The following AEBP2 variants were observed in gnomAD, a reference collection of about 807,000 sequenced individuals.
The protein encoded by AEBP2 is AE binding protein 2.
In AEBP2, 10 loss-of-function variants were observed where a neutral mutation model predicts 50.8. That is an observed-to-expected ratio of 0.20 (90% CI 0.12 to 0.33). AEBP2 has a LOEUF of 0.33. Among genes scored for constraint, AEBP2 ranks in the 10% least tolerant of loss-of-function variants. The pLI, the probability that AEBP2 is intolerant of heterozygous loss-of-function variation, is 1.00. For synonymous variants in AEBP2, 296 were observed against 261.3 expected (o/e 1.13, Z -1.28); for missense variants, 570 against 688.0 (o/e 0.83, Z 1.92).
intron 7 of AEBP2, among the ~76,000 whole-genome samples, chr12:19,516,913 G>C (rs1949327843): frequency 6.6e-6 from 1 of 152,136 alleles, no homozygotes; most frequent in Non-Finnish European, 1.5e-5. Flanking sequence ...TGTAATCTCA[G>C]CTACTCTGGA....
intron 5 of AEBP2, among the ~76,000 whole-genome samples, chr12:19,506,307 C>T (rs1387325733): frequency 3.3e-5 from 5 of 152,050 alleles, no homozygotes; most frequent in Non-Finnish European, 7.4e-5. Flanking sequence ...GCCATGTTGG[C>T]CAGGCTGGTC....
At chr12:19,470,672 C>G (rs1459642406) in intron 2 of AEBP2, among the ~76,000 whole-genome samples, 1 of 152,074 alleles carries the variant, frequency 6.6e-6, no homozygotes, top group African/African-American at 2.4e-5. Flanking sequence ...GATTTCAGAC[C>G]TGCCATTATC....
At chr12:19,487,095 T>G (rs886904615) in intron 3 of AEBP2, among the ~76,000 whole-genome samples, 1 of 152,196 alleles carries the variant, frequency 6.6e-6, no homozygotes, top group Non-Finnish European at 1.5e-5. Flanking sequence ...TATTCAAGTC[T>G]TTGCCAATTG....
At chr12:19,489,824 T>C (rs941513575) in intron 3 of AEBP2, among the ~76,000 whole-genome samples, 5 of 151,934 alleles carry the variant, frequency 3.3e-5, no homozygotes, top group African/African-American at 1.2e-4. Context: ...GATTCTATTA[T>C]ATTTTTCTTT....
chr12:19,479,461 T>A lies in AEBP2; in HGVS notation c.987+6106T>A, dbSNP rs1948694732. Among the ~76,000 whole-genome samples, 5 of 152,232 alleles carry A rather than the reference T, an allele frequency of 3.3e-5. No homozygotes were observed. In the South Asian group the frequency reaches 1.0e-3, roughly 32 times the overall value. On this transcript the variant is annotated intron_variant, in intron 3 of 7. Transcript: ENST00000266508. ...GAAGCTCAAAGAACAGCTGAGAAAT[T>A]CATCACAAAAAGATCATCACCTAGG...
chr12:19,484,950 C>T (rs1467042918), intron 3 of AEBP2, among the ~76,000 whole-genome samples: 4 of 152,042 alleles, frequency 2.6e-5, no homozygotes, highest in Admixed American at 1.3e-4. Flanking sequence ...AATGTGACTG[C>T]GAACTGCTTT....
chr12:19,518,620 A>AAT lies in AEBP2; in HGVS notation c.*503_*504insAT, dbSNP rs1949353945. On this transcript the variant is annotated 3_prime_UTR_variant, in exon 8 of 8. Coordinates refer to ENST00000266508, the MANE Select transcript of AEBP2 (RefSeq NM_153207.5). Reference sequence around the variant, plus strand: ...AATGAAAATTATCAAGAGATAATTTACCTTTCAATTATGATAAATAGATGT... The same window carrying AAT: ...AATGAAAATTATCAAGAGATAATTTAATCCTTTCAATTATGATAAATAGATGT... 2 of 1,411,382 alleles carry AAT rather than the reference A, an allele frequency of 1.4e-6. No individual in the cohort carries two copies. Among genetic ancestry groups the AAT allele is most frequent in the Admixed American group, 4.6e-5 (2 of 43,730 alleles). 87.4% of individuals were successfully genotyped at this position (1,411,382 alleles called of 1,614,324 possible).
Position 19,490,297 on chromosome 12 carries a change from A to G in AEBP2, c.988-3503A>G, listed in dbSNP as rs557591697. On this transcript the variant is annotated intron_variant, in intron 3 of 7. Coordinates refer to ENST00000266508, the MANE Select transcript of AEBP2 (RefSeq NM_153207.5). ...TTTCAAATGCTTAGAAGTTACCTAT[A>G]TCTAATAGATGTACGTATTGAATGG... 2.9e-4 allele frequency among the ~76,000 whole-genome samples: 44 copies of G among 152,298 alleles called. No homozygotes were observed. The South Asian group carries it at 7.9e-3, about 27-fold the overall frequency.
At chr12:19,475,176 G>C (rs1472754811) in intron 3 of AEBP2, among the ~76,000 whole-genome samples, 2 of 1,178 alleles carry the variant, frequency 1.7e-3, no homozygotes, top group Non-Finnish European at 2.9e-3. Context: ...TGTCACCTGA[G>C]CTGTGTACAC....
At chr12:19,435,725 T>G (rs2095753878), upstream of AEBP2, among the ~76,000 whole-genome samples, 1 of 152,202 alleles carries the variant, frequency 6.6e-6, no homozygotes, top group African/African-American at 2.4e-5. Flanking sequence ...CAGCTCAAAT[T>G]AATGAAACCA....
chr12:19,443,260 C>G (rs549946340), intron 1 of AEBP2, among the ~76,000 whole-genome samples: 1 of 151,928 alleles, frequency 6.6e-6, no homozygotes, highest in African/African-American at 2.4e-5. Context: ...CCACCCCTGG[C>G]TAATTTTTGT....
chr12:19,436,910 G>A (rs1947866439), upstream of AEBP2, among the ~76,000 whole-genome samples: 1 of 152,040 alleles, frequency 6.6e-6, no homozygotes, highest in African/African-American at 2.4e-5. Context: ...CCCATGCTGA[G>A]TACTTTGAAC....
At chr12:19,440,465 T>C in intron 1 of AEBP2, 95 bp downstream of exon 1, 1 of 1,412,392 alleles carries the variant, frequency 7.1e-7, no homozygotes, top group South Asian at 1.6e-5. Context: ...GCGATCCCCC[T>C]GCTCCCCGAA....
chr12:19,465,791 CTTTTTTTT>C (rs11284427), intron 2 of AEBP2, among the ~76,000 whole-genome samples: 7 of 107,660 alleles, frequency 6.5e-5, no homozygotes, highest in African/African-American at 2.2e-4. Context: ...ATTGTTTTTT[CTTTTTTTT>C]TTTTTTTTTT....
chr12:19,489,879 T>TA (rs1198252967), intron 3 of AEBP2, among the ~76,000 whole-genome samples: 2 of 152,088 alleles, frequency 1.3e-5, no homozygotes, highest in African/African-American at 4.8e-5. Flanking sequence ...TGTTTTTTTT[T>TA]AATGATTTTT....
Position 19,440,694 on chromosome 12 carries a change from A to G in AEBP2, c.671+324A>G, listed in dbSNP as rs550665700. On this transcript the variant is annotated intron_variant, in intron 1 of 7. Coordinates refer to ENST00000266508, the MANE Select transcript of AEBP2 (RefSeq NM_153207.5). ...GGCCCAGATCCTCTGGCGGAGCAGA[A>G]GAGGGCCTTGATGTACACACGTCGG... 84 of 1,533,434 alleles carry G rather than the reference A, an allele frequency of 5.5e-5. No individual in the cohort carries two copies. The African/African-American group carries it at 1.1e-3, about 19-fold the overall frequency. The allele number at this position is 1,533,434 out of a possible 1,614,324, so 95.0% of individuals were successfully genotyped here. A position where few individuals can be genotyped will look rare whatever the true frequency, so the allele number is the denominator to read the frequency against.
At chr12:19,496,542 A>C (rs1948984805) in intron 4 of AEBP2, among the ~76,000 whole-genome samples, 1 of 152,130 alleles carries the variant, frequency 6.6e-6, no homozygotes, top group Middle Eastern at 3.2e-3. Flanking sequence ...AACTTTACCT[A>C]GTATCTTCCT....
Position 19,521,558 on chromosome 12 carries a change from G to A in AEBP2, c.*3441G>A, listed in dbSNP as rs1683910081. 3 of 151,994 alleles carry A rather than the reference G, an allele frequency of 2.0e-5. No homozygotes were observed. Among genetic ancestry groups the A allele is most frequent in the Admixed American group, 6.5e-5 (1 of 15,270 alleles). The allele number at this position is 151,994 out of a possible 1,614,324, so 9.4% of individuals were successfully genotyped here. The stretch of plus-strand genomic sequence containing the variant: ...TCTAATAAACTTTTTATATATAAAT[G>A]TTACCTAAAGTGGACACATGTTACT... On this transcript the variant is annotated 3_prime_UTR_variant, in exon 8 of 8. Coordinates refer to ENST00000266508, the MANE Select transcript of AEBP2 (RefSeq NM_153207.5).
chr12:19,467,969 A>C (rs895324735), intron 2 of AEBP2, among the ~76,000 whole-genome samples: 3 of 151,878 alleles, frequency 2.0e-5, no homozygotes, highest in Non-Finnish European at 4.4e-5. Flanking sequence ...TAACTATAGC[A>C]CTCAGGAGGT....
Sources: allele counts gnomAD v4.1 joint callset (sites outside exome capture counted in the v4.1 genomes callset), GRCh38; gene constraint gnomAD v4.1.1; transcripts MANE v1.5; gene names NCBI Gene and HGNC (gene_info 2026-07-23, HGNC 2026-07-21).